USP24: variants seen among roughly 807,000 people sequenced by gnomAD.
USP24 encodes the protein ubiquitin specific peptidase 24.
In USP24, 97 loss-of-function variants were observed where a neutral mutation model predicts 361.6. The observed-to-expected ratio is 0.27, with a 90% confidence interval of 0.23 to 0.32. The LOEUF (loss-of-function observed/expected upper bound fraction) is 0.32, where lower values mean the gene tolerates loss of function less well. Among genes scored for constraint, USP24 ranks in the 10% least tolerant of loss-of-function variants. USP24 has a pLI of 1.00. For missense variants in USP24, 2,353 were observed against 3,165.6 expected (o/e 0.74, Z 6.16); for synonymous variants, 1,098 against 1,124.6 (o/e 0.98, Z 0.47).
Position 55,215,190 on chromosome 1 carries a change from C to CCCTCCGCGCCGCCT in USP24, c.-91_-78dup. On this transcript the variant is annotated 5_prime_UTR_variant, in exon 1 of 68. Coordinates refer to ENST00000294383, the MANE Select transcript of USP24 (RefSeq NM_015306.3). ...CGGGCCTGGCGGGCCGCGCGGCGCA[C>CCCTCCGCGCCGCCT]CCTCCGCGCCGCCTCCGCGCCCAGG... is the stretch of plus-strand genomic sequence containing the variant. 1 of 1,143,280 alleles carries CCCTCCGCGCCGCCT rather than the reference C, an allele frequency of 8.7e-7. No homozygotes were observed. The highest frequency in any genetic ancestry group is 1.1e-6 in the Non-Finnish European group (1 of 916,858). The allele number at this position is 1,143,280 out of a possible 1,614,324, so 70.8% of individuals were successfully genotyped here. A position where few individuals can be genotyped will look rare whatever the true frequency, so the allele number is the denominator to read the frequency against.
At position 55,215,124 on chromosome 1, in the gene USP24, T is replaced by C; in HGVS notation, c.-11A>G. 3 of 1,256,480 alleles carry C rather than the reference T, an allele frequency of 2.4e-6. No homozygotes were observed. The highest frequency in any genetic ancestry group is 3.0e-6 in the Non-Finnish European group (3 of 994,322). The allele number at this position is 1,256,480 out of a possible 1,614,324, so 77.8% of individuals were successfully genotyped here. On this transcript the variant is annotated 5_prime_UTR_variant, in exon 1 of 68. Coordinates refer to ENST00000294383, the MANE Select transcript of USP24 (RefSeq NM_015306.3). ...CTCCTCCGATTCCATGGCTTGGGCC[T>C]CCTGGCCGCCCCGGCCAGCGCACGG...
chr1:55,104,867 T>C (rs1645729810), intron 41 of USP24, among the ~76,000 whole-genome samples: 1 of 152,108 alleles, frequency 6.6e-6, no homozygotes, highest in African/African-American at 2.4e-5. Context: ...AATAGGGAGG[T>C]GCCATTTACA....
Position 55,093,928 on chromosome 1 carries a change from G to A in USP24, c.6354+9C>T, listed in dbSNP as rs760334699. 2 of 1,611,304 alleles carry A rather than the reference G, an allele frequency of 1.2e-6. No homozygotes were observed. Among genetic ancestry groups the A allele is most frequent in the Non-Finnish European group, 1.7e-6 (2 of 1,178,586 alleles). ...TATTCCCCCTTAGAATTTTTTATAT[G>A]GTTCTTACCTGGTATATTCGAGCAG... On this transcript the variant is annotated intron_variant, in intron 52 of 67. Coordinates refer to ENST00000294383, the MANE Select transcript of USP24 (RefSeq NM_015306.3).
At chr1:55,081,465 C>A in intron 58 of USP24, 41 bp from the exon 59 acceptor site, 1 of 1,566,130 alleles carries the variant, frequency 6.4e-7, no homozygotes, top group South Asian at 1.1e-5. Context: ...GTGTTGTCGT[C>A]AGAAATAATA....
At chr1:55,187,326 C>G (rs532957901) in intron 1 of USP24, among the ~76,000 whole-genome samples, 5 of 152,280 alleles carry the variant, frequency 3.3e-5, no homozygotes, top group Non-Finnish European at 7.4e-5. Flanking sequence ...ACAAAAACAC[C>G]TACAGTGAAC....
At chr1:55,214,546 C>T (rs1186638051) in intron 1 of USP24, among the ~76,000 whole-genome samples, 2 of 152,108 alleles carry the variant, frequency 1.3e-5, no homozygotes, top group African/African-American at 4.8e-5. Flanking sequence ...CCCACAGCTC[C>T]GCTGCGCATC....
At chr1:55,091,943 T>C in intron 54 of USP24, 80 bp downstream of exon 54, 1 of 1,099,304 alleles carries the variant, frequency 9.1e-7, no homozygotes, top group East Asian at 2.6e-5. Flanking sequence ...TTTCACAATA[T>C]TTTAATTATA....
At chr1:55,181,890 G>C (rs1206026281) in intron 1 of USP24, among the ~76,000 whole-genome samples, 1 of 152,124 alleles carries the variant, frequency 6.6e-6, no homozygotes, top group Non-Finnish European at 1.5e-5. Context: ...AGGTCATAAG[G>C]GTAGGGCCCT....
At chr1:55,079,793 T>TGAGTACTCTCACAGAGTACTCACACA (rs1553143024) in intron 59 of USP24, 134 bp from the exon 60 acceptor site, 124,561 of 1,050,884 alleles carry the variant, frequency 0.12, 12,687 homozygotes, top group Non-Finnish European at 0.13. Context: ...ACTCACACAC[T>TGAGTACTCTCACAGAGTACTCACACA]GAGTACTCAC....
At chr1:55,181,658 TAG>T (rs1172015607) in intron 1 of USP24, among the ~76,000 whole-genome samples, 1 of 152,202 alleles carries the variant, frequency 6.6e-6, no homozygotes, top group East Asian at 1.9e-4. Flanking sequence ...TTAATTTCTA[TAG>T]AGTTAATATA....
chr1:55,105,822 C>G (rs1645755368), intron 41 of USP24, among the ~76,000 whole-genome samples: 1 of 152,220 alleles, frequency 6.6e-6, no homozygotes, highest in South Asian at 2.1e-4. Flanking sequence ...CAAGATTTTA[C>G]TCAGAGCCTA....
chr1:55,181,787 C>T (rs1225733839), intron 1 of USP24, among the ~76,000 whole-genome samples: 1 of 152,198 alleles, frequency 6.6e-6, no homozygotes, highest in Non-Finnish European at 1.5e-5. Flanking sequence ...ATTGTGTCTA[C>T]TCCCCCAAAT....
intron 18 of USP24, among the ~76,000 whole-genome samples, chr1:55,147,268 G>A (rs1296455982): frequency 1.3e-5 from 2 of 152,114 alleles, no homozygotes; most frequent in African/African-American, 4.8e-5. Flanking sequence ...TAGAAATTCA[G>A]TTGATTTTGG....
At chr1:55,097,752 A>C (rs1413151451) in intron 47 of USP24, 35 bp from the exon 48 acceptor site, 1 of 1,522,824 alleles carries the variant, frequency 6.6e-7, no homozygotes, top group Non-Finnish European at 8.8e-7. Context: ...AGCAAATCTG[A>C]ATGATCTCCA....
chr1:55,207,281 G>GAA (rs71822893), intron 1 of USP24, among the ~76,000 whole-genome samples: 3 of 133,166 alleles, frequency 2.3e-5, no homozygotes, highest in Non-Finnish European at 1.6e-5. Context: ...ATGGAAAGGG[G>GAA]AAAAAAAAAA....
At chr1:55,214,684 C>CA in intron 1 of USP24, 106 bp downstream of exon 1, 4 of 965,942 alleles carry the variant, frequency 4.1e-6, no homozygotes, top group Non-Finnish European at 5.2e-6. Context: ...ACTAAAGCCC[C>CA]AGTCGAATGC....
chr1:55,130,691 C>G (rs923015472), intron 31 of USP24, among the ~76,000 whole-genome samples: 1 of 152,160 alleles, frequency 6.6e-6, no homozygotes, highest in Non-Finnish European at 1.5e-5. Flanking sequence ...ATATATATAG[C>G]TCTTCGTCTA....
chr1:55,138,730 A>G lies in USP24; in HGVS notation c.2818-12T>C, dbSNP rs1255559458. ...ACAGAGTAAAAATCCTTAAAAAACG[A>G]ATAAGTCAAGTCAGATGGACAGCAC... On this transcript the variant is annotated splice_polypyrimidine_tract_variant and intron_variant, in intron 25 of 67. Transcript: ENST00000294383. 1.9e-6 allele frequency: 3 copies of G among 1,590,546 alleles called. No individual in the cohort carries two copies. The highest frequency in any genetic ancestry group is 2.6e-6 in the Non-Finnish European group (3 of 1,161,006).
intron 12 of USP24, among the ~76,000 whole-genome samples, chr1:55,155,968 T>C (rs945458122): frequency 1.3e-5 from 2 of 152,172 alleles, no homozygotes; most frequent in African/African-American, 4.8e-5. Context: ...TCCTCTACCT[T>C]ACTTAGGAAG....
Sources: allele counts gnomAD v4.1 joint callset (sites outside exome capture counted in the v4.1 genomes callset), GRCh38; gene constraint gnomAD v4.1.1; transcripts MANE v1.5; gene names NCBI Gene and HGNC (gene_info 2026-07-23, HGNC 2026-07-21).